Variants in FREM1 observed in about 807,000 individuals in gnomAD.
The protein encoded by FREM1 is FRAS1-related extracellular matrix protein 1.
In FREM1, 220 loss-of-function variants were observed where a neutral mutation model predicts 210.1. The observed-to-expected ratio is 1.05, with a 90% CI of 0.94 to 1.17. The LOEUF is 1.17. Ranked by LOEUF, FREM1 falls within the 50% of genes most tolerant of loss-of-function variation. FREM1 has a pLI of 0.00. For missense variants in FREM1, 3,454 were observed against 2,675.5 expected (o/e 1.29, Z -6.42); for synonymous variants, 1,189 against 980.2 (o/e 1.21, Z -3.98).
chr9:14,795,677 C>G (rs1057034102), intron 21 of FREM1, among the ~76,000 whole-genome samples: 13 of 152,170 alleles, frequency 8.5e-5, no homozygotes, highest in African/African-American at 3.1e-4. Flanking sequence ...CCTTTGGAGT[C>G]AAATGGAGTT....
At chr9:14,751,454 A>C (rs977588839) in intron 29 of FREM1, among the ~76,000 whole-genome samples, 13 of 152,100 alleles carry the variant, frequency 8.5e-5, no homozygotes, top group Admixed American at 8.5e-4. Flanking sequence ...TTTGAGACCA[A>C]CCTGGCCAAC....
intron 1 of FREM1, among the ~76,000 whole-genome samples, chr9:14,873,403 T>A (rs1012317986): frequency 6.6e-6 from 1 of 152,154 alleles, no homozygotes; most frequent in Non-Finnish European, 1.5e-5. Context: ...CTTCGGAGGG[T>A]GTATGTGTCG....
chr9:14,801,902 A>G, intron 19 of FREM1, 28 bp from the exon 20 acceptor site: 1 of 1,513,344 alleles, frequency 6.6e-7, no homozygotes. Context: ...AGAAAAGTCA[A>G]CAATGCATAA....
At chr9:14,841,355 G>T in intron 10 of FREM1, 92 bp downstream of exon 10, 1 of 1,080,218 alleles carries the variant, frequency 9.3e-7, no homozygotes, top group Non-Finnish European at 1.3e-6. Context: ...TTTAAACCTT[G>T]AAACCTATTT....
chr9:14,905,884 C>G (rs1277315909), intron 1 of FREM1, among the ~76,000 whole-genome samples: 3 of 148,056 alleles, frequency 2.0e-5, no homozygotes, highest in Non-Finnish European at 4.5e-5. Flanking sequence ...GAGCAAGACT[C>G]TGTCTCAAAT....
chr9:14,808,498 A>G (rs1447050331), intron 16 of FREM1, among the ~76,000 whole-genome samples: 1 of 152,138 alleles, frequency 6.6e-6, no homozygotes, highest in Admixed American at 6.5e-5. Context: ...CCTCAGGGAG[A>G]GGGAGAAGGC....
At position 14,886,279 on chromosome 9, in the gene FREM1, G is replaced by A. The variant is rs545204455; in HGVS notation, c.-267-17035C>T. ...ACACGCCTGTAAATCCCAGCTACTC[G>A]GGAGGCTGAGGCAGGAGAATCGCTT... On this transcript the variant is annotated intron_variant, in intron 1 of 36. Transcript: ENST00000380880. Among the ~76,000 whole-genome samples the A allele has an allele frequency of 1.2e-4, 18 of 151,486 alleles. No individual in the cohort carries two copies. The East Asian group carries it at 3.1e-3, about 26-fold the overall frequency.
At position 14,737,573 on chromosome 9, in the gene FREM1, A is replaced by G. The variant is rs1211739234; in HGVS notation, c.6363T>C (p.Ala2121=). ...FWIGLNDQVH[A]GHWEWIGGEP... is the part of the protein sequence containing the mutation. ...CACCACCGATCCACTCCCAGTGGCCAGCATGCACTTGGTCGTTCAAACCTA... is the reference window on the plus strand; with the variant it reads ...CACCACCGATCCACTCCCAGTGGCCGGCATGCACTTGGTCGTTCAAACCTA... Residue 2121 remains alanine, a synonymous_variant, in exon 37 of 37, where the codon GCT becomes GCC. Transcript: ENST00000380880. 1.7e-5 allele frequency: 27 copies of G among 1,586,278 alleles called. No individual in the cohort carries two copies. The highest frequency in any genetic ancestry group is 2.2e-5 in the Non-Finnish European group (26 of 1,166,916).
rs73644848 is a variant in FREM1, at chr9:14,761,980, C to G, written c.5205-2079G>C. On this transcript the variant is annotated intron_variant, in intron 27 of 36. Coordinates refer to ENST00000380880, the MANE Select transcript of FREM1 (RefSeq NM_001379081.2). ...TGTACATTAAACTTTATCCTAGCAA[C>G]GTATGTGCAGTACAGGAAAAAGCAC... 4.3e-3 allele frequency among the ~76,000 whole-genome samples: 660 copies of G among 152,274 alleles called. 4 individuals are homozygous for G. Among genetic ancestry groups the G allele is most frequent in the African/African-American group, 0.015 (625 of 41,560 alleles).
intron 25 of FREM1, among the ~76,000 whole-genome samples, chr9:14,771,577 T>C (rs954116): frequency 0.86 from 130,099 of 152,004 alleles, 55,854 homozygotes; most frequent in Non-Finnish European, 0.88. Flanking sequence ...TTGTAGGTTA[T>C]GGATGGAGCA....
chr9:14,907,436 G>C (rs1218678285), intron 1 of FREM1, among the ~76,000 whole-genome samples: 2 of 152,184 alleles, frequency 1.3e-5, no homozygotes, highest in South Asian at 2.1e-4. Context: ...AAAAGCTGTT[G>C]AATCACTTGA....
intron 10 of FREM1, among the ~76,000 whole-genome samples, chr9:14,838,264 T>G (rs994739364): frequency 4.6e-5 from 7 of 152,196 alleles, no homozygotes; most frequent in Non-Finnish European, 8.8e-5. Context: ...AATATTCTGA[T>G]CACGAAAGCT....
Position 14,824,116 on chromosome 9 carries a change from C to A in FREM1, c.2079-1G>T, listed in dbSNP as rs1381579736. ...AAATAATTTCCCAGCATCCAAGTGTCTAAAGAGAAATACAGAGGAGCACAT... is the reference window on the plus strand; with the variant it reads ...AAATAATTTCCCAGCATCCAAGTGTATAAAGAGAAATACAGAGGAGCACAT... On this transcript the variant is annotated splice_acceptor_variant, in intron 11 of 36. Transcript: ENST00000380880. LOFTEE classifies it high-confidence loss of function. 7 of 1,563,448 alleles carry A rather than the reference C, an allele frequency of 4.5e-6. No individual in the cohort carries two copies. Among genetic ancestry groups the A allele is most frequent in the Non-Finnish European group, 6.1e-6 (7 of 1,148,942 alleles).
At position 14,769,475 on chromosome 9, in the gene FREM1, T is replaced by G. The variant is rs188257885; in HGVS notation, c.5204+249A>C. On this transcript the variant is annotated intron_variant, in intron 27 of 36. Coordinates refer to ENST00000380880, the MANE Select transcript of FREM1 (RefSeq NM_001379081.2). ...TCCCTGTGTATAAAAGTGTGTACCTTGACATGCATAATATGAACGTCAACT... is the reference window on the plus strand; with the variant it reads ...TCCCTGTGTATAAAAGTGTGTACCTGGACATGCATAATATGAACGTCAACT... Among the ~76,000 whole-genome samples the G allele has an allele frequency of 4.5e-3, 690 of 152,298 alleles. 17 individuals carry two copies. The highest frequency in any genetic ancestry group is 0.036 in the Admixed American group (553 of 15,288).
intron 1 of FREM1, among the ~76,000 whole-genome samples, chr9:14,871,563 C>G (rs1373833500): frequency 3.3e-5 from 5 of 152,126 alleles, no homozygotes; most frequent in African/African-American, 9.7e-5. Flanking sequence ...TAGCCTTTGT[C>G]AAATGAGTAG....
At chr9:14,855,645 T>C (rs1277578339) in intron 5 of FREM1, among the ~76,000 whole-genome samples, 1 of 152,164 alleles carries the variant, frequency 6.6e-6, no homozygotes, top group Non-Finnish European at 1.5e-5. Context: ...TTATCTTGCT[T>C]TCTGTGTTTT....
At chr9:14,821,566 C>G (rs1821317106) in intron 13 of FREM1, among the ~76,000 whole-genome samples, 1 of 152,168 alleles carries the variant, frequency 6.6e-6, no homozygotes, top group African/African-American at 2.4e-5. Context: ...CATAAGCATT[C>G]TAAACTATTT....
chr9:14,868,153 G>A (rs1831893630), intron 2 of FREM1, among the ~76,000 whole-genome samples: 1 of 152,100 alleles, frequency 6.6e-6, no homozygotes, highest in African/African-American at 2.4e-5. Flanking sequence ...ACATCTTCAA[G>A]TTTTACCTTT....
intron 8 of FREM1, among the ~76,000 whole-genome samples, chr9:14,844,762 A>C (rs1386971007): frequency 6.6e-6 from 1 of 152,222 alleles, no homozygotes; most frequent in Non-Finnish European, 1.5e-5. Flanking sequence ...AGTTTGATAA[A>C]GAAATCTAAG....
Sources: gnomAD v4.1 joint callset for allele counts (sites outside exome capture counted in the v4.1 genomes callset) on GRCh38, gnomAD v4.1.1 for gene constraint, MANE v1.5 for transcripts, NCBI Gene and HGNC (gene_info 2026-07-23, HGNC 2026-07-21) for gene names.